SETD9: variants seen among roughly 807,000 people sequenced by gnomAD.
SETD9 encodes SET domain containing 9.
In SETD9, 37 loss-of-function variants were observed where a neutral mutation model predicts 36.4. The ratio of observed to expected loss-of-function variants is 1.02; its 90% CI spans 0.78 to 1.34. The LOEUF (loss-of-function observed/expected upper bound fraction) is 1.34. Ranked by LOEUF, SETD9 falls within the 40% of genes most tolerant of loss-of-function variation. The pLI, the probability that SETD9 is intolerant of heterozygous loss-of-function variation, is 0.00. For missense variants in SETD9, 323 were observed against 353.2 expected (o/e 0.91, Z 0.69); for synonymous variants, 128 against 132.9 (o/e 0.96, Z 0.26).
chr5:56,913,000 T>C lies in SETD9; in HGVS notation c.467-11T>C, dbSNP rs374378120. The C allele has an allele frequency of 9.1e-5, 147 of 1,610,902 alleles. 4 individuals carry two copies. The South Asian group carries it at 1.1e-3, about 12-fold the overall frequency. On this transcript the variant is annotated splice_polypyrimidine_tract_variant and intron_variant, in intron 2 of 5. Transcript: ENST00000285947. ...GTTGTTATCATATTTCTTTGTCTTG[T>C]TGTGTAATAGGTACAGTATATCAGA...
At chr5:56,925,233 A>C (rs1174818793) in intron 5 of SETD9, 9 of 350,746 alleles carry the variant, frequency 2.6e-5, no homozygotes, top group Non-Finnish European at 5.0e-5. Context: ...GAAATTTTCA[A>C]CATCAATACT....
At chr5:56,923,939 C>CT in intron 5 of SETD9, 2 of 1,614,046 alleles carry the variant, frequency 1.2e-6, no homozygotes, top group Non-Finnish European at 1.7e-6. Context: ...ATGGTTATAT[C>CT]TTTTTTTCCC....
chr5:56,924,156 T>C (rs1749836699), intron 5 of SETD9: 4 of 1,027,034 alleles, frequency 3.9e-6, no homozygotes, highest in Non-Finnish European at 2.8e-6. Flanking sequence ...TCCCATTATA[T>C]AGTTCTGAAC....
chr5:56,923,098 G>A, intron 5 of SETD9: 1 of 1,591,950 alleles, frequency 6.3e-7, no homozygotes, highest in Non-Finnish European at 8.6e-7. Flanking sequence ...TACTGGTGCT[G>A]CACACGCAGT....
chr5:56,911,605 T>C (rs1749134515), intron 2 of SETD9, 69 bp downstream of exon 2: 1 of 1,432,258 alleles, frequency 7.0e-7, no homozygotes, highest in African/African-American at 1.4e-5. Context: ...TTCAGTAACA[T>C]ACCCAGCCTT....
chr5:56,916,628 A>G (rs754958367), intron 5 of SETD9, among the ~76,000 whole-genome samples, 187 bp from the exon 6 acceptor site: 3 of 152,216 alleles, frequency 2.0e-5, no homozygotes, highest in Non-Finnish European at 4.4e-5. Context: ...TTTTTAAATG[A>G]TATAGATATA....
At chr5:56,913,333 C>T (rs1749250939) in intron 3 of SETD9, among the ~76,000 whole-genome samples, 199 bp downstream of exon 3, 1 of 151,922 alleles carries the variant, frequency 6.6e-6, no homozygotes, top group Admixed American at 6.6e-5. Flanking sequence ...GGATTACAGG[C>T]TTGAGCCACC....
chr5:56,920,914 A>C (rs1166676415), downstream of SETD9: 3 of 152,702 alleles, frequency 2.0e-5, no homozygotes, highest in East Asian at 5.8e-4. Context: ...TCAGATTGAC[A>C]TTTAAAAATC....
intron 3 of SETD9, 43 bp downstream of exon 3, chr5:56,913,177 CCGCA>C: frequency 6.3e-7 from 1 of 1,594,978 alleles, no homozygotes; most frequent in Non-Finnish European, 8.5e-7. Flanking sequence ...GGAGACAGAA[CCGCA>C]CTTACCACAA....
chr5:56,910,412 T>A (rs1239606271), intron 1 of SETD9: 7 of 1,303,190 alleles, frequency 5.4e-6, no homozygotes, highest in African/African-American at 1.5e-5. Flanking sequence ...CCGCCGGCGT[T>A]ATTAAGGGCG....
At chr5:56,927,173 G>A (rs252897), downstream of SETD9, among the ~76,000 whole-genome samples, 106,518 of 151,934 alleles carry the variant, frequency 0.7, 37,730 homozygotes, top group Non-Finnish European at 0.75. Flanking sequence ...TGGTGGATAT[G>A]TATCATTATA....
intron 2 of SETD9, among the ~76,000 whole-genome samples, chr5:56,912,809 A>C (rs1006054510): frequency 6.6e-6 from 1 of 152,172 alleles, no homozygotes; most frequent in Admixed American, 6.6e-5. Context: ...TGATGTTCAT[A>C]TTATCATTAA....
chr5:56,912,099 G>T, intron 2 of SETD9: 2 of 788,332 alleles, frequency 2.5e-6, no homozygotes, highest in Non-Finnish European at 3.1e-6. Context: ...AGGTTGCAGT[G>T]AGCCGAGATT....
chr5:56,927,678 G>T (rs252896), downstream of SETD9, among the ~76,000 whole-genome samples: 2 of 152,186 alleles, frequency 1.3e-5, no homozygotes, highest in Non-Finnish European at 1.5e-5. Context: ...TTGGAGTAGT[G>T]TATCTGTTAA....
intron 5 of SETD9, chr5:56,922,813 G>A (rs1315523233): frequency 3.3e-6 from 1 of 305,258 alleles, no homozygotes; most frequent in African/African-American, 2.1e-5. Flanking sequence ...TGAGGGCAGT[G>A]GGGAACACAA....
Position 56,913,140 on chromosome 5 carries a change from T to A in SETD9, c.590+6T>A. 6.2e-7 allele frequency: 1 copy of A among 1,613,250 alleles called. No individual in the cohort carries two copies. The highest frequency in any genetic ancestry group is 2.2e-5 in the East Asian group (1 of 44,850). Reference sequence around the variant, plus strand: ...ATATCAAAAGTTGTGTACAGGTAAGTGATGCCCATGTTCAAATTTAATTAT... The same window carrying A: ...ATATCAAAAGTTGTGTACAGGTAAGAGATGCCCATGTTCAAATTTAATTAT... On this transcript the variant is annotated splice_donor_region_variant and intron_variant, in intron 3 of 5. Coordinates refer to ENST00000285947, the MANE Select transcript of SETD9 (RefSeq NM_153706.4).
chr5:56,918,391 C>CA (rs1749513364), downstream of SETD9, among the ~76,000 whole-genome samples: 1 of 152,214 alleles, frequency 6.6e-6, no homozygotes, highest in South Asian at 2.1e-4. Flanking sequence ...TACAATCCCT[C>CA]ACTGCTCCCA....
chr5:56,925,084 A>G (rs1170036041), intron 5 of SETD9, among the ~76,000 whole-genome samples: 1 of 152,224 alleles, frequency 6.6e-6, no homozygotes, highest in Non-Finnish European at 1.5e-5. Context: ...GAATGGATAG[A>G]GTAAATTTCA....
chr5:56,926,243 T>C (rs1439150636), downstream of SETD9, among the ~76,000 whole-genome samples: 3 of 150,404 alleles, frequency 2.0e-5, no homozygotes, highest in Non-Finnish European at 1.5e-5. Flanking sequence ...AAATTCTAAG[T>C]TGGACATAAT....
Sources: gnomAD v4.1 joint callset for allele counts (sites outside exome capture counted in the v4.1 genomes callset) on GRCh38, gnomAD v4.1.1 for gene constraint, MANE v1.5 for transcripts, NCBI Gene and HGNC (gene_info 2026-07-23, HGNC 2026-07-21) for gene names.